The following MAD1L1 variants were observed in gnomAD, a reference collection of about 807,000 sequenced individuals.
The protein encoded by MAD1L1 is mitotic spindle assembly checkpoint protein MAD1.
MAD1L1 carries 95 observed loss-of-function variants against 96.9 expected under a neutral mutation model. The observed-to-expected ratio is 0.98, with a 90% CI of 0.83 to 1.16. The LOEUF is 1.16. MAD1L1 is among the 50% of genes most tolerant of loss of function. The pLI is 0.00. For synonymous variants in MAD1L1, 473 were observed against 396.6 expected (o/e 1.19, Z -2.29); for missense variants, 1,007 against 954.4 (o/e 1.06, Z -0.73).
intron 15 of MAD1L1, among the ~76,000 whole-genome samples, chr7:1,958,994 G>A (rs1035182904): frequency 1.3e-5 from 2 of 152,234 alleles, no homozygotes; most frequent in African/African-American, 4.8e-5. Context: ...GCTCACGCCT[G>A]TAATCCCAGC....
chr7:1,985,838 A>C (rs1028649803), intron 14 of MAD1L1, among the ~76,000 whole-genome samples: 2 of 150,712 alleles, frequency 1.3e-5, no homozygotes, highest in Non-Finnish European at 2.9e-5. Flanking sequence ...GTCCTGTCTC[A>C]TGCAACCCCC....
intron 11 of MAD1L1, among the ~76,000 whole-genome samples, chr7:2,074,856 G>C (rs1235957248): frequency 6.6e-6 from 1 of 152,204 alleles, no homozygotes; most frequent in African/African-American, 2.4e-5. Flanking sequence ...CCTCGGGGAG[G>C]GGTGGCGGGA....
At chr7:2,149,112 C>G in intron 11 of MAD1L1, 40 bp downstream of exon 11, 1 of 1,593,120 alleles carries the variant, frequency 6.3e-7, no homozygotes, top group Non-Finnish European at 8.6e-7. Flanking sequence ...CTCTCCAAAG[C>G]AAACGCATCC....
chr7:2,205,084 CTTTTTT>C (rs56101356), intron 10 of MAD1L1, among the ~76,000 whole-genome samples: 12 of 103,864 alleles, frequency 1.2e-4, no homozygotes, highest in South Asian at 3.4e-4. Context: ...AGGATCTTTT[CTTTTTT>C]TTTTTTTTTT....
chr7:1,881,520 C>A (rs893616556), intron 18 of MAD1L1, among the ~76,000 whole-genome samples: 2 of 152,126 alleles, frequency 1.3e-5, no homozygotes, highest in African/African-American at 4.8e-5. Flanking sequence ...AAAGATAAAT[C>A]AACAGGTGAG....
intron 18 of MAD1L1, among the ~76,000 whole-genome samples, chr7:1,870,815 C>G (rs1168013162): frequency 5.9e-5 from 3 of 50,436 alleles, no homozygotes; most frequent in Admixed American, 2.4e-4. Flanking sequence ...GCCTGCCACG[C>G]TGAACCGACC....
intron 15 of MAD1L1, 80 bp downstream of exon 15, chr7:1,980,373 C>A: frequency 8.6e-7 from 1 of 1,157,242 alleles, no homozygotes; most frequent in Non-Finnish European, 1.2e-6. Flanking sequence ...CCTCCTCCCC[C>A]GCAGGACACA....
rs540499115 is a variant in MAD1L1, at chr7:2,114,354, C to T, written c.1073+34798G>A. Among the ~76,000 whole-genome samples the T allele has an allele frequency of 6.6e-6, 1 of 152,374 alleles. No individual in the cohort carries two copies. The highest frequency in any genetic ancestry group is 2.4e-5 in the African/African-American group (1 of 41,592). ...GCAGGGAACCAGGGGGCCTTCCCTA[C>T]ACAGAGCACAGCTCCCACCCTGCAG... On this transcript the variant is annotated intron_variant, in intron 11 of 18. Transcript: ENST00000265854. The surrounding 1 kb of genome is among the most constrained non-coding windows in gnomAD (Gnocchi z 4.2).
chr7:2,024,035 C>T (rs937913142), intron 12 of MAD1L1, among the ~76,000 whole-genome samples: 1 of 150,492 alleles, frequency 6.6e-6, no homozygotes, highest in African/African-American at 2.4e-5. Flanking sequence ...ACAGGAACTC[C>T]ATAGAGAAAA....
chr7:1,897,930 C>T (rs563781350), intron 18 of MAD1L1, among the ~76,000 whole-genome samples: 34 of 152,332 alleles, frequency 2.2e-4, no homozygotes, highest in African/African-American at 6.3e-4. Context: ...GCCCAAGTTG[C>T]GACAGACAGA....
rs957772752 is a variant in MAD1L1, at chr7:2,103,785, C to T, written c.1074-34447G>A. ...AGCAGACCCCCTGAACCACTGTGCA[C>T]GGAGTCCCTCCGCATCCCCAGGCAG... On this transcript the variant is annotated intron_variant, in intron 11 of 18. Coordinates refer to ENST00000265854, the MANE Select transcript of MAD1L1 (RefSeq NM_001013836.2). The surrounding 1 kb of genome is among the most constrained non-coding windows in gnomAD (Gnocchi z 4.3). 6.6e-6 allele frequency among the ~76,000 whole-genome samples: 1 copy of T among 152,196 alleles called. No individual in the cohort carries two copies. The highest frequency in any genetic ancestry group is 1.5e-5 in the Non-Finnish European group (1 of 68,032).
chr7:1,962,380 T>G (rs1390913967), intron 15 of MAD1L1, among the ~76,000 whole-genome samples: 2 of 152,182 alleles, frequency 1.3e-5, no homozygotes, highest in African/African-American at 4.8e-5. Context: ...AATTACTCAG[T>G]CCGGGTATGT....
chr7:2,125,088 A>C (rs1350551162), intron 11 of MAD1L1, among the ~76,000 whole-genome samples: 2 of 152,194 alleles, frequency 1.3e-5, no homozygotes, highest in Non-Finnish European at 2.9e-5. Context: ...GACCCCAGGA[A>C]GTCCCTGCTG....
chr7:2,046,670 G>A (rs1474891570), intron 12 of MAD1L1, among the ~76,000 whole-genome samples: 1 of 152,222 alleles, frequency 6.6e-6, no homozygotes, highest in African/African-American at 2.4e-5. Flanking sequence ...TAAGCCGTGA[G>A]GACGTCTTAG....
chr7:1,958,752 G>A (rs1779834114), intron 15 of MAD1L1, among the ~76,000 whole-genome samples: 1 of 152,190 alleles, frequency 6.6e-6, no homozygotes, highest in Admixed American at 6.5e-5. Flanking sequence ...ACGCAGCATT[G>A]CACAGACGGC....
chr7:2,187,900 A>G (rs1281655714), intron 10 of MAD1L1, among the ~76,000 whole-genome samples: 1 of 152,238 alleles, frequency 6.6e-6, no homozygotes, highest in African/African-American at 2.4e-5. Flanking sequence ...GAATACAACC[A>G]CGAGTATTTG....
chr7:2,136,136 C>G (rs1456089938), intron 11 of MAD1L1, among the ~76,000 whole-genome samples: 3 of 152,214 alleles, frequency 2.0e-5, no homozygotes, highest in African/African-American at 7.2e-5. Flanking sequence ...CACGTCCACA[C>G]TGTTCCTCCT....
At chr7:2,086,889 G>A (rs759579758) in intron 11 of MAD1L1, among the ~76,000 whole-genome samples, 1 of 152,200 alleles carries the variant, frequency 6.6e-6, no homozygotes, top group Non-Finnish European at 1.5e-5. Context: ...AAAAGCAAGG[G>A]TGGCAGAGAA....
chr7:2,161,860 T>C (rs567767093), intron 10 of MAD1L1, among the ~76,000 whole-genome samples: 3 of 151,108 alleles, frequency 2.0e-5, no homozygotes, highest in East Asian at 3.9e-4. Context: ...GAGGAGCCCC[T>C]CTGCCCAGCA....
Sources: gnomAD v4.1 joint callset for allele counts (sites outside exome capture counted in the v4.1 genomes callset) on GRCh38, gnomAD v4.1.1 for gene constraint, Gnocchi (gnomAD v3.1) non-coding constraint, MANE v1.5 for transcripts, NCBI Gene and HGNC (gene_info 2026-07-23, HGNC 2026-07-21) for gene names.